The following AGBL1 variants were observed in gnomAD, a reference collection of about 807,000 sequenced individuals.
The protein encoded by AGBL1 is cytosolic carboxypeptidase 4.
A neutral mutation model predicts 118.9 loss-of-function variants in AGBL1; 130 were observed. That is an observed-to-expected ratio of 1.09 (90% confidence interval 0.95 to 1.26). The LOEUF is 1.26. Ranked by LOEUF, AGBL1 falls within the 50% of genes most tolerant of loss-of-function variation. The pLI, the probability that AGBL1 is intolerant of heterozygous loss-of-function variation, is 0.00. For synonymous variants in AGBL1, 555 were observed against 478.9 expected (o/e 1.16, Z -2.08); for missense variants, 1,584 against 1,298.1 (o/e 1.22, Z -3.38).
Position 86,999,046 on chromosome 15 carries a change from C to T in AGBL1, c.3323+10958C>T, listed in dbSNP as rs530963800. 3.4e-3 allele frequency among the ~76,000 whole-genome samples: 516 copies of T among 151,078 alleles called. 3 individuals carry two copies. The highest frequency in any genetic ancestry group is 6.9e-3 in the Middle Eastern group (2 of 288). On this transcript the variant is annotated intron_variant, in intron 24 of 24. Coordinates refer to the AGBL1 transcript ENST00000441037. ...GCAGGCCCTGGTGTGTGATGTTCCC[C>T]TTCCTGTGTCCAAGTGTGCTCACTG...
intron 24 of AGBL1, among the ~76,000 whole-genome samples, chr15:87,015,735 C>T (rs774236043): frequency 1.3e-5 from 2 of 152,166 alleles, no homozygotes; most frequent in East Asian, 1.9e-4. Flanking sequence ...TCCCCCACCC[C>T]ACACCCCTGC....
At chr15:86,943,077 T>A (rs529040589) in intron 23 of AGBL1, among the ~76,000 whole-genome samples, 1 of 152,332 alleles carries the variant, frequency 6.6e-6, no homozygotes, top group East Asian at 1.9e-4. Context: ...CCAAGATTCC[T>A]ATAAGTCAGG....
chr15:86,751,922 T>C (rs1030347824), intron 22 of AGBL1, among the ~76,000 whole-genome samples: 1 of 152,082 alleles, frequency 6.6e-6, no homozygotes, highest in Non-Finnish European at 1.5e-5. Flanking sequence ...ATTTTAGAGA[T>C]GTTCATCTGT....
chr15:86,260,772 C>G (rs1221502773), intron 9 of AGBL1, among the ~76,000 whole-genome samples: 1 of 152,122 alleles, frequency 6.6e-6, no homozygotes, highest in Non-Finnish European at 1.5e-5. Flanking sequence ...TCCAAAAGCT[C>G]CAACCTATGG....
chr15:86,484,900 T>C (rs1324879594), intron 18 of AGBL1, among the ~76,000 whole-genome samples: 1 of 152,166 alleles, frequency 6.6e-6, no homozygotes, highest in Non-Finnish European at 1.5e-5. Context: ...CCCGGATTGT[T>C]CCACTCTGTT....
At chr15:86,189,762 A>T (rs1214488025) in intron 5 of AGBL1, among the ~76,000 whole-genome samples, 3 of 152,156 alleles carry the variant, frequency 2.0e-5, no homozygotes. Context: ...CATGAGCAAA[A>T]TCAACCTCTT....
chr15:86,816,561 A>G (rs1007211046), intron 22 of AGBL1, among the ~76,000 whole-genome samples: 2 of 152,240 alleles, frequency 1.3e-5, no homozygotes, highest in Non-Finnish European at 2.9e-5. Context: ...AGGTAAAAAT[A>G]GTGAGTAGGG....
chr15:86,128,245 G>T (rs982985081), intron 1 of AGBL1, among the ~76,000 whole-genome samples: 3 of 152,048 alleles, frequency 2.0e-5, no homozygotes, highest in East Asian at 1.9e-4. Context: ...AGGAAAGGCG[G>T]CAGGCAAGAG....
At chr15:86,163,372 T>A (rs2077293769) in intron 5 of AGBL1, among the ~76,000 whole-genome samples, 1 of 152,112 alleles carries the variant, frequency 6.6e-6, no homozygotes, top group Non-Finnish European at 1.5e-5. Flanking sequence ...GAGACTACAG[T>A]GAGTCATGAC....
intron 21 of AGBL1, among the ~76,000 whole-genome samples, chr15:86,579,008 T>C (rs1440070579): frequency 1.3e-5 from 2 of 152,194 alleles, no homozygotes; most frequent in African/African-American, 4.8e-5. Flanking sequence ...CCTTTCATCT[T>C]GCTTGCATAT....
At chr15:86,935,842 C>T (rs1596650240) in intron 23 of AGBL1, among the ~76,000 whole-genome samples, 1 of 152,194 alleles carries the variant, frequency 6.6e-6, no homozygotes, top group South Asian at 2.1e-4. Flanking sequence ...TAGAAATGTG[C>T]CTGTAAAAAT....
At chr15:86,859,932 G>A (rs764922479) in intron 22 of AGBL1, among the ~76,000 whole-genome samples, 4 of 152,202 alleles carry the variant, frequency 2.6e-5, no homozygotes, top group Non-Finnish European at 5.9e-5. Flanking sequence ...GTGAGATGAT[G>A]AGACTTCCCA....
At chr15:86,745,951 T>A (rs918959577) in intron 22 of AGBL1, among the ~76,000 whole-genome samples, 1 of 152,060 alleles carries the variant, frequency 6.6e-6, no homozygotes, top group African/African-American at 2.4e-5. Context: ...CTGATGTCTC[T>A]CTTTCAGGTA....
chr15:86,444,246 A>G (rs866482055), intron 18 of AGBL1, among the ~76,000 whole-genome samples: 15 of 152,270 alleles, frequency 9.9e-5, no homozygotes, highest in Admixed American at 5.2e-4. Flanking sequence ...GGAGAACACA[A>G]TCTCACTGGC....
intron 18 of AGBL1, among the ~76,000 whole-genome samples, chr15:86,497,057 T>C (rs1026181526): frequency 5.3e-5 from 8 of 152,014 alleles, no homozygotes; most frequent in East Asian, 1.9e-4. Context: ...ACCTTCCCAA[T>C]TGAGATGAGG....
chr15:86,151,332 A>G (rs62012451), intron 3 of AGBL1, among the ~76,000 whole-genome samples: 63,223 of 150,288 alleles, frequency 0.42, 13,675 homozygotes, highest in South Asian at 0.54. Flanking sequence ...TATCCACCAC[A>G]ATCAAGTCAG....
At chr15:86,591,462 C>T (rs2084334797) in intron 21 of AGBL1, among the ~76,000 whole-genome samples, 1 of 152,198 alleles carries the variant, frequency 6.6e-6, no homozygotes, top group African/African-American at 2.4e-5. Context: ...ACTTCTGACC[C>T]ACTGGCTTGA....
intron 17 of AGBL1, among the ~76,000 whole-genome samples, chr15:86,364,986 T>C (rs71399825): frequency 0.011 from 847 of 75,102 alleles, 58 homozygotes; most frequent in South Asian, 0.023. Flanking sequence ...TATATATATA[T>C]ATACACACAC....
intron 5 of AGBL1, among the ~76,000 whole-genome samples, chr15:86,210,718 A>G (rs577659476): frequency 6.6e-6 from 1 of 152,254 alleles, no homozygotes; most frequent in East Asian, 1.9e-4. Context: ...CATTCGTCTA[A>G]TCTTTTTTCA....
Sources: gnomAD v4.1 joint callset for allele counts (sites outside exome capture counted in the v4.1 genomes callset) on GRCh38, gnomAD v4.1.1 for gene constraint, MANE v1.5 for transcripts, NCBI Gene and HGNC (gene_info 2026-07-23, HGNC 2026-07-21) for gene names.